Variants in ERP44 observed in about 807,000 individuals in gnomAD.
ERP44 encodes the protein endoplasmic reticulum protein 44.
A neutral mutation model predicts 53.4 loss-of-function variants in ERP44; 25 were observed. The ratio of observed to expected loss-of-function variants is 0.47; its 90% CI spans 0.34 to 0.65. The LOEUF is 0.65. Ranked by LOEUF, ERP44 falls within the 30% of genes least tolerant of loss-of-function variation. The probability of loss-of-function intolerance (pLI) is 0.01; values close to 1 mark genes in which losing one functional copy is unlikely to be tolerated. For synonymous variants in ERP44, 145 were observed against 161.2 expected, an observed-to-expected ratio of 0.90 and a Z score of 0.76; for missense variants, 338 against 493.2, an observed-to-expected ratio of 0.69 and a Z score of 2.98.
intron 2 of ERP44, among the ~76,000 whole-genome samples, chr9:100,058,324 C>T (rs141373729): frequency 5.8e-4 from 88 of 152,296 alleles, no homozygotes; most frequent in East Asian, 2.7e-3. Context: ...CAACCTCCCA[C>T]CTTAACCTTC....
chr9:99,990,610 T>C (rs913232039), intron 10 of ERP44, among the ~76,000 whole-genome samples: 42 of 152,136 alleles, frequency 2.8e-4, no homozygotes, highest in African/African-American at 8.4e-4. Flanking sequence ...CATCAACTAA[T>C]GAGCAAAATA....
chr9:100,076,828 T>C (rs1193306420), intron 1 of ERP44, among the ~76,000 whole-genome samples: 4 of 152,208 alleles, frequency 2.6e-5, no homozygotes, highest in Non-Finnish European at 5.9e-5. Context: ...ATCCATTCTG[T>C]GGACACCACT....
intron 1 of ERP44, among the ~76,000 whole-genome samples, chr9:100,062,760 G>A (rs909613142): frequency 6.6e-6 from 1 of 152,088 alleles, no homozygotes; most frequent in African/African-American, 2.4e-5. Flanking sequence ...GAGAATATAT[G>A]TTTAAAATCT....
intron 1 of ERP44, among the ~76,000 whole-genome samples, chr9:100,098,232 C>T (rs938863560): frequency 1.3e-5 from 2 of 152,182 alleles, no homozygotes; most frequent in African/African-American, 4.8e-5. Flanking sequence ...TGTCAGGTAA[C>T]CACACCTTCC....
chr9:100,032,521 T>C (rs1825802962), intron 4 of ERP44, among the ~76,000 whole-genome samples: 1 of 152,254 alleles, frequency 6.6e-6, no homozygotes, highest in Non-Finnish European at 1.5e-5. Flanking sequence ...AGATGGTATT[T>C]GGCTTTCTTT....
intron 4 of ERP44, among the ~76,000 whole-genome samples, chr9:100,038,710 G>A (rs936829244): frequency 2.6e-5 from 4 of 151,410 alleles, no homozygotes; most frequent in Admixed American, 2.6e-4. Flanking sequence ...CTGGTGTAAT[G>A]GATTTAAAAA....
At chr9:100,065,650 C>A (rs1335233339) in intron 1 of ERP44, among the ~76,000 whole-genome samples, 2 of 152,062 alleles carry the variant, frequency 1.3e-5, no homozygotes, top group East Asian at 1.9e-4. Flanking sequence ...AGCAAATCAT[C>A]CATAAATTAC....
At chr9:99,984,925 G>T (rs778879872) in intron 11 of ERP44, 42 bp downstream of exon 11, 2 of 1,299,960 alleles carry the variant, frequency 1.5e-6, no homozygotes, top group Non-Finnish European at 2.2e-6. Context: ...ACTGAAAAAG[G>T]GAAAAAAAGA....
chr9:100,068,574 G>A (rs1461482521), intron 1 of ERP44, among the ~76,000 whole-genome samples: 2 of 141,980 alleles, frequency 1.4e-5, no homozygotes, highest in Non-Finnish European at 3.1e-5. Context: ...AGGTGGGGGG[G>A]TCAGCCCCCA....
intron 3 of ERP44, among the ~76,000 whole-genome samples, chr9:100,056,445 G>T (rs1452585467): frequency 6.6e-6 from 1 of 152,054 alleles, no homozygotes; most frequent in African/African-American, 2.4e-5. Context: ...AAGTGCTTGG[G>T]GATTAAAGTT....
intron 1 of ERP44, among the ~76,000 whole-genome samples, chr9:100,077,020 C>A (rs1338579454): frequency 6.6e-6 from 1 of 152,196 alleles, no homozygotes; most frequent in Non-Finnish European, 1.5e-5. Context: ...AACACTGAGC[C>A]CTCAATAAGG....
intron 3 of ERP44, among the ~76,000 whole-genome samples, chr9:100,054,165 G>A (rs1826065952): frequency 6.6e-6 from 1 of 152,004 alleles, no homozygotes; most frequent in African/African-American, 2.4e-5. Flanking sequence ...AAGAGGATGG[G>A]GTCTGTGGAC....
intron 1 of ERP44, among the ~76,000 whole-genome samples, chr9:100,083,128 T>C (rs868492470): frequency 1.1e-3 from 165 of 150,958 alleles, no homozygotes; most frequent in African/African-American, 3.7e-3. Context: ...CCCTAAATTA[T>C]AAAAAGCTCT....
intron 10 of ERP44, among the ~76,000 whole-genome samples, chr9:99,999,865 TGAG>T (rs989316607): frequency 6.6e-6 from 1 of 152,190 alleles, no homozygotes; most frequent in Non-Finnish European, 1.5e-5. Context: ...CGGGGCGAGA[TGAG>T]GGTCTAATTT....
At chr9:100,069,813 G>C (rs1015265495) in intron 1 of ERP44, among the ~76,000 whole-genome samples, 5 of 152,018 alleles carry the variant, frequency 3.3e-5, no homozygotes, top group African/African-American at 1.2e-4. Context: ...AACAAAATTT[G>C]TTGCAATTCA....
At chr9:99,983,972 T>G (rs968750007) in intron 11 of ERP44, among the ~76,000 whole-genome samples, 2 of 152,208 alleles carry the variant, frequency 1.3e-5, no homozygotes, top group Non-Finnish European at 2.9e-5. Context: ...AAATGACATC[T>G]TTTCCTAATC....
intron 4 of ERP44, among the ~76,000 whole-genome samples, chr9:100,023,784 TA>T (rs1434570542): frequency 6.6e-6 from 1 of 152,108 alleles, no homozygotes; most frequent in African/African-American, 2.4e-5. Context: ...CAAAAAGTTT[TA>T]AAAAATTAGA....
intron 10 of ERP44, among the ~76,000 whole-genome samples, chr9:99,997,062 G>A (rs1830318936): frequency 6.6e-6 from 1 of 151,916 alleles, no homozygotes; most frequent in South Asian, 2.1e-4. Context: ...TGGGCATTTG[G>A]GTTGGTTCCA....
At chr9:100,043,582 C>T (rs7858606) in intron 4 of ERP44, among the ~76,000 whole-genome samples, 70,407 of 151,480 alleles carry the variant, frequency 0.46, 17,657 homozygotes, top group East Asian at 0.9. Flanking sequence ...TGGTGAGACC[C>T]TGTCTCTACT....
Sources: allele counts gnomAD v4.1 joint callset (sites outside exome capture counted in the v4.1 genomes callset), GRCh38; gene constraint gnomAD v4.1.1; transcripts MANE v1.5; gene names NCBI Gene and HGNC (gene_info 2026-07-23, HGNC 2026-07-21).